The following COL18A1 variants were observed in gnomAD, a reference collection of about 807,000 sequenced individuals.
COL18A1 encodes collagen alpha-1(XVIII) chain.
COL18A1 carries 133 observed loss-of-function variants against 168.0 expected under a neutral mutation model. The ratio of observed to expected loss-of-function variants is 0.79; its 90% CI spans 0.69 to 0.91. The LOEUF (loss-of-function observed/expected upper bound fraction) is 0.91, where lower values mean the gene tolerates loss of function less well. COL18A1 is among the 40% of genes least tolerant of loss of function. The pLI is 0.00. For missense variants in COL18A1, 2,126 were observed against 1,925.4 expected, an observed-to-expected ratio of 1.10 and a Z score of -1.95; for synonymous variants, 949 against 809.0, an observed-to-expected ratio of 1.17 and a Z score of -2.94.
In COL18A1 at chr21:45,468,280, G is replaced by A. The variant is rs1351620336; in HGVS notation, c.145G>A (p.Gly49Arg). The change falls in exon 3 of 42, where the codon GGG becomes AGG. Residue 49 changes from glycine (G) to arginine (R), a missense_variant. By Grantham distance (125) the Gly-to-Arg change is moderately radical. Transcript: ENST00000651438. ...GGAGGTGGGGCTGCTGCAGCTCCTT[G>A]GGGACCCCCCGCCCCAGCAGGTCAC... ...SEEVGLLQLL[G>R]DPPPQQVTQT... 3 of 1,613,134 alleles carry A rather than the reference G, an allele frequency of 1.9e-6. No homozygotes were observed. The highest frequency in any genetic ancestry group is 1.7e-5 in the Admixed American group (1 of 60,036).
intron 2 of COL18A1, among the ~76,000 whole-genome samples, chr21:45,432,179 G>A (rs1602368421): frequency 6.6e-6 from 1 of 152,226 alleles, no homozygotes; most frequent in East Asian, 1.9e-4. Context: ...CCCTGCCCCA[G>A]CAGGGCCTCC....
chr21:45,464,455 G>A (rs890910903), intron 2 of COL18A1, among the ~76,000 whole-genome samples: 12 of 152,178 alleles, frequency 7.9e-5, no homozygotes, highest in African/African-American at 1.4e-4. Flanking sequence ...TGGGGGCACC[G>A]TGTCCATCCC....
chr21:45,422,110 T>G (rs1280476095), intron 2 of COL18A1, among the ~76,000 whole-genome samples: 1 of 151,010 alleles, frequency 6.6e-6, no homozygotes, highest in African/African-American at 2.4e-5. Context: ...CACACACACG[T>G]TCACACACAC....
chr21:45,424,998 C>T (rs987145906), intron 2 of COL18A1: 1 of 152,268 alleles, frequency 6.6e-6, no homozygotes. Flanking sequence ...TCAGATCTCT[C>T]GCACCTGAAA....
At chr21:45,424,561 G>T (rs1349322211) in intron 2 of COL18A1, 1 of 152,332 alleles carries the variant, frequency 6.6e-6, no homozygotes, top group African/African-American at 2.4e-5. Flanking sequence ...GGCCCCTGCG[G>T]CCCACCTGAC....
chr21:45,487,090 G>C (rs1293479064), intron 16 of COL18A1, 98 bp downstream of exon 16: 3 of 1,228,040 alleles, frequency 2.4e-6, no homozygotes, highest in East Asian at 5.1e-5. Context: ...AGCACGTCCT[G>C]GGCGGTGGCC....
intron 24 of COL18A1, 34 bp from the exon 25 acceptor site, chr21:45,493,129 C>A: frequency 6.5e-7 from 1 of 1,545,046 alleles, no homozygotes; most frequent in Non-Finnish European, 8.8e-7. Context: ...GAGATGCCAG[C>A]CGCTCGGGCC....
At position 45,504,515 on chromosome 21, in the gene COL18A1, CCCCCA is replaced by C. The variant is rs752450928; in HGVS notation, c.2828_2832del (p.Pro943ArgfsTer142). On this transcript the variant is annotated frameshift_variant, in exon 34 of 42. Coordinates refer to ENST00000651438, the MANE Select transcript of COL18A1 (RefSeq NM_001379500.1). LOFTEE classifies it high-confidence loss of function. Reference sequence around the variant, plus strand: ...CTCCAGCCTGCCCGGCCCCCCCGGCCCCCCAGGCCCCCCAGGCCCACGTGGCTACC... The same window carrying C: ...CTCCAGCCTGCCCGGCCCCCCCGGCCGGCCCCCCAGGCCCACGTGGCTACC... 124 of 12,968 alleles carry C rather than the reference CCCCCA, an allele frequency of 9.6e-3. No individual in the cohort carries two copies. The highest frequency in any genetic ancestry group is 0.019 in the Admixed American group (1 of 52). 0.8% of individuals were successfully genotyped at this position (12,968 alleles called of 1,614,324 possible).
chr21:45,486,902 G>A lies in COL18A1; in HGVS notation c.1743G>A (p.Glu581=), dbSNP rs924004558. The change falls in exon 16 of 42, where the codon GAG becomes GAA. Residue 581 remains glutamate (E), a synonymous_variant. Coordinates refer to ENST00000651438, the MANE Select transcript of COL18A1 (RefSeq NM_001379500.1). ...CCGGTCCTGCTGGTGCTCGTGGGGA[G>A]AGCGGCCTGGCAGGAGCCCCCGGAC... The part of the protein sequence containing the change: ...GAPGPAGARG[E]SGLAGAPGPA... 3.3e-6 allele frequency: 5 copies of A among 1,524,296 alleles called. No individual in the cohort carries two copies. Among genetic ancestry groups the A allele is most frequent in the Non-Finnish European group, 4.4e-6 (5 of 1,135,938 alleles). The allele number at this position is 1,524,296 out of a possible 1,614,324, so 94.4% of individuals were successfully genotyped here. A position where few individuals can be genotyped will look rare whatever the true frequency, so the allele number is the denominator to read the frequency against.
rs1393601829 is a variant in COL18A1 at position 45,437,221 on chromosome 21, CACAG to C, written c.107-31017_107-31014del. ...ACAGGCACTCTCCTGCACACACACACACAGACACACAGGCACTCTCCTGTACACA... is the reference window on the plus strand; with the variant it reads ...ACAGGCACTCTCCTGCACACACACACACACACAGGCACTCTCCTGTACACA... On this transcript the variant is annotated intron_variant, in intron 2 of 41. Transcript: ENST00000651438. 3.2e-4 allele frequency among the ~76,000 whole-genome samples: 38 copies of C among 119,306 alleles called. 2 individuals carry two copies. The highest frequency in any genetic ancestry group is 5.7e-4 in the Non-Finnish European group (33 of 58,326). The allele number at this position is 119,306 out of a possible 152,430, so 78.3% of individuals were successfully genotyped here. A position where few individuals can be genotyped will look rare whatever the true frequency, so the allele number is the denominator to read the frequency against.
intron 2 of COL18A1, among the ~76,000 whole-genome samples, chr21:45,453,399 G>A (rs1341715844): frequency 1.3e-5 from 2 of 152,216 alleles, no homozygotes; most frequent in Non-Finnish European, 2.9e-5. Flanking sequence ...GTGTGCATAT[G>A]TGGGTGTTCG....
In COL18A1 at chr21:45,507,516, C is replaced by T. The variant is rs762852441; in HGVS notation, c.3217-45C>T. On this transcript the variant is annotated intron_variant, in intron 37 of 41. Transcript: ENST00000651438. ...GCTGGGCAGGGAGGGCACCCTGGCT[C>T]AGGCCCAGCCGCAGGTCCTGGGTGA... 6 of 1,600,006 alleles carry T rather than the reference C, an allele frequency of 3.7e-6. No individual in the cohort carries two copies. The African/African-American group carries it at 5.4e-5, about 14-fold the overall frequency.
At chr21:45,496,138 C>A in intron 29 of COL18A1, 1 of 421,504 alleles carries the variant, frequency 2.4e-6, no homozygotes, top group Non-Finnish European at 4.5e-6. Flanking sequence ...GCTGGGGGTT[C>A]TCCCGCTCAG....
At chr21:45,494,234 C>T (rs902236174) in intron 26 of COL18A1, 47 of 489,382 alleles carry the variant, frequency 9.6e-5, no homozygotes, top group Non-Finnish European at 1.3e-4. Flanking sequence ...CAGGACACTG[C>T]GTGGCACATG....
chr21:45,508,092 G>A, intron 38 of COL18A1, among the ~76,000 whole-genome samples: 1 of 145,962 alleles, frequency 6.9e-6, no homozygotes, highest in Non-Finnish European at 1.5e-5. Flanking sequence ...AGGTGGGTGA[G>A]TGGATGGATG....
chr21:45,422,118 C>T (rs1283922921), intron 2 of COL18A1, among the ~76,000 whole-genome samples: 3 of 152,168 alleles, frequency 2.0e-5, no homozygotes, highest in Admixed American at 2.0e-4. Context: ...CGTTCACACA[C>T]ACAGGCTCAC....
chr21:45,511,090 T>TACACACACATAC (rs58188320), intron 40 of COL18A1, 21 bp from the exon 41 acceptor site: 18 of 1,171,658 alleles, frequency 1.5e-5, no homozygotes, highest in South Asian at 3.9e-5. Context: ...CACACACACA[T>TACACACACATAC]ACACACGGTT....
chr21:45,478,139 G>A, intron 8 of COL18A1, 174 bp downstream of exon 8: 1 of 814,544 alleles, frequency 1.2e-6, no homozygotes, highest in South Asian at 1.5e-5. Context: ...TCAGACGTGG[G>A]AGGCGGAGCT....
At chr21:45,428,246 C>T (rs897993937) in intron 2 of COL18A1, among the ~76,000 whole-genome samples, 3 of 152,216 alleles carry the variant, frequency 2.0e-5, no homozygotes, top group African/African-American at 4.8e-5. Flanking sequence ...AAAGACGCAG[C>T]GCTGTGGGAA....
Sources: gnomAD v4.1 joint callset for allele counts (sites outside exome capture counted in the v4.1 genomes callset) on GRCh38, gnomAD v4.1.1 for gene constraint, MANE v1.5 for transcripts, NCBI Gene and HGNC (gene_info 2026-07-23, HGNC 2026-07-21) for gene names.